The following RAPSN variants were observed in gnomAD, a reference collection of about 807,000 sequenced individuals.
RAPSN encodes 43 kDa receptor-associated protein of the synapse.
Under a neutral mutation model 45.7 loss-of-function variants are expected in RAPSN, and 33 were observed. The ratio of observed to expected loss-of-function variants is 0.72; its 90% CI spans 0.55 to 0.97. The LOEUF is 0.97. Ranked by LOEUF, RAPSN falls within the 50% of genes least tolerant of loss-of-function variation. The pLI is 0.00. For synonymous variants in RAPSN, 244 were observed against 233.6 expected (o/e 1.04, Z -0.40); for missense variants, 519 against 559.4 (o/e 0.93, Z 0.73).
At chr11:47,443,602 C>G (rs543696999) in intron 2 of RAPSN, among the ~76,000 whole-genome samples, 65 of 152,164 alleles carry the variant, frequency 4.3e-4, no homozygotes, top group African/African-American at 1.5e-3. Context: ...TTCCCATCCA[C>G]GTGCAAACAT....
At chr11:47,447,208 C>T (rs2076413361) in intron 2 of RAPSN, among the ~76,000 whole-genome samples, 1 of 152,160 alleles carries the variant, frequency 6.6e-6, no homozygotes, top group South Asian at 2.1e-4. Context: ...GGCCCTCCGA[C>T]CACTATATTT....
In RAPSN at chr11:47,448,165, G is replaced by A. The variant is rs45547231; in HGVS notation, c.193-15C>T. On this transcript the variant is annotated splice_polypyrimidine_tract_variant and intron_variant, in intron 1 of 7. Coordinates refer to ENST00000298854, the MANE Select transcript of RAPSN (RefSeq NM_005055.5). ...ACCACAGCGAACTGCACACAGCGAC[G>A]GTGGGCAGGTGGTGCTCAGCCTGGA... The A allele has an allele frequency of 0.13, 203,411 of 1,605,420 alleles. 13,838 individuals are homozygous for A. The highest frequency in any genetic ancestry group is 0.14 in the Non-Finnish European group (165,904 of 1,179,336).
At chr11:47,438,221 CT>C (rs1451262589) in intron 7 of RAPSN, among the ~76,000 whole-genome samples, 174 bp from the exon 8 acceptor site, 1 of 152,070 alleles carries the variant, frequency 6.6e-6, no homozygotes, top group African/African-American at 2.4e-5. Flanking sequence ...CGGCTTGCCC[CT>C]CTCCTCCTCT....
At chr11:47,438,616 C>G (rs1372679471) in intron 7 of RAPSN, 116 bp downstream of exon 7, 8 of 1,306,628 alleles carry the variant, frequency 6.1e-6, no homozygotes, top group Non-Finnish European at 2.1e-6. Flanking sequence ...AGGCACCACG[C>G]CTGGCCAAGG....
intron 2 of RAPSN, among the ~76,000 whole-genome samples, chr11:47,446,033 A>G (rs1236027117): frequency 6.6e-6 from 1 of 151,548 alleles, no homozygotes; most frequent in African/African-American, 2.4e-5. Flanking sequence ...GGCTCAAGCG[A>G]TCCTCCCGCC....
At position 47,441,812 on chromosome 11, in the gene RAPSN, G is replaced by T; in HGVS notation, c.789+11C>A. On this transcript the variant is annotated intron_variant, in intron 4 of 7. Coordinates refer to ENST00000298854, the MANE Select transcript of RAPSN (RefSeq NM_005055.5). ...CCCCTGCCCCCAGCCCCTGCATCCC[G>T]GTGACCTCACCTCCAGGTCCCCACG... is the stretch of plus-strand genomic sequence containing the variant. 2 of 950,058 alleles carry T rather than the reference G, an allele frequency of 2.1e-6. No homozygotes were observed. The highest frequency in any genetic ancestry group is 6.4e-5 in the East Asian group (1 of 15,552). The allele number at this position is 950,058 out of a possible 1,614,324, so 58.9% of individuals were successfully genotyped here.
rs546144211 is a variant in RAPSN, at chr11:47,444,542, A to AAAAAAC, written c.532-1734_532-1729dup. Among the ~76,000 whole-genome samples the AAAAAAC allele has an allele frequency of 8.0e-4, 121 of 151,918 alleles. 1 individual carries two copies. The highest frequency in any genetic ancestry group is 3.1e-3 in the Admixed American group (47 of 15,250). On this transcript the variant is annotated intron_variant, in intron 2 of 7. Coordinates refer to ENST00000298854, the MANE Select transcript of RAPSN (RefSeq NM_005055.5). ...TGACAGAGCAAGATCCTGTCTCAAA[A>AAAAAAC]AAAAACAAAAACAAAAACAAAAACA...
rs780420252 is a variant in RAPSN at position 47,448,097 on chromosome 11, G to C, written c.246C>G (p.Leu82=). 17 of 1,613,880 alleles carry C rather than the reference G, an allele frequency of 1.1e-5. No homozygotes were observed. The highest frequency in any genetic ancestry group is 1.4e-5 in the Non-Finnish European group (17 of 1,180,010). The change falls in exon 2 of 8, where the codon CTC becomes CTG. Residue 82 remains leucine (L), a synonymous_variant. Transcript: ENST00000298854. ...GTGCCAGGTTCAGGTAGCTCTCCAG[G>C]AGGAAGTCGGCATCCTCCAGCTCCC... ...TARELEDADF[L]LESYLNLARS...
At chr11:47,444,969 A>C (rs2076393614) in intron 2 of RAPSN, among the ~76,000 whole-genome samples, 1 of 152,070 alleles carries the variant, frequency 6.6e-6, no homozygotes, top group African/African-American at 2.4e-5. Context: ...TATGCCTGTA[A>C]TCCCAGCACT....
chr11:47,447,752 G>C, intron 2 of RAPSN, 60 bp downstream of exon 2: 1 of 1,516,244 alleles, frequency 6.6e-7, no homozygotes, highest in Non-Finnish European at 9.0e-7. Context: ...CAGGGTGTGT[G>C]CCTCATGAGA....
At chr11:47,438,996 C>A in intron 6 of RAPSN, 65 bp from the exon 7 acceptor site, 1 of 1,494,222 alleles carries the variant, frequency 6.7e-7, no homozygotes, top group Non-Finnish European at 9.0e-7. Flanking sequence ...AGGTAGGCTC[C>A]GGTCTCAGCC....
At chr11:47,447,052 GAACATTCCAGGA>G (rs2076412038) in intron 2 of RAPSN, among the ~76,000 whole-genome samples, 1 of 152,058 alleles carries the variant, frequency 6.6e-6, no homozygotes, top group Non-Finnish European at 1.5e-5. Context: ...GTCCTTCCTG[GAACATTCCAGGA>G]AACATTCCAG....
intron 3 of RAPSN, among the ~76,000 whole-genome samples, chr11:47,442,391 G>C (rs2076372271): frequency 6.6e-6 from 1 of 152,226 alleles, no homozygotes; most frequent in African/African-American, 2.4e-5. Flanking sequence ...AGGCACAAGT[G>C]GCTCATGCCT....
intron 6 of RAPSN, among the ~76,000 whole-genome samples, chr11:47,439,200 G>A (rs1295187677): frequency 6.6e-6 from 1 of 152,174 alleles, no homozygotes; most frequent in Non-Finnish European, 1.5e-5. Flanking sequence ...GCGGCAGGGC[G>A]CCGTGGCTCA....
chr11:47,448,166 G>T lies in RAPSN; in HGVS notation c.193-16C>A, dbSNP rs926898280. On this transcript the variant is annotated splice_polypyrimidine_tract_variant and intron_variant, in intron 1 of 7. Coordinates refer to ENST00000298854, the MANE Select transcript of RAPSN (RefSeq NM_005055.5). Reference sequence around the variant, plus strand: ...CCACAGCGAACTGCACACAGCGACGGTGGGCAGGTGGTGCTCAGCCTGGAC... The same window carrying T: ...CCACAGCGAACTGCACACAGCGACGTTGGGCAGGTGGTGCTCAGCCTGGAC... 1 of 1,605,518 alleles carries T rather than the reference G, an allele frequency of 6.2e-7. No homozygotes were observed. Among genetic ancestry groups the T allele is most frequent in the African/African-American group, 1.3e-5 (1 of 74,884 alleles).
intron 2 of RAPSN, among the ~76,000 whole-genome samples, chr11:47,447,214 T>C (rs2063304483): frequency 6.6e-6 from 1 of 152,152 alleles, no homozygotes; most frequent in African/African-American, 2.4e-5. Context: ...CCGACCACTA[T>C]ATTTGAAATT....
chr11:47,448,679 G>A (rs558373967), intron 1 of RAPSN, 94 bp downstream of exon 1: 1 of 1,511,738 alleles, frequency 6.6e-7, no homozygotes, highest in African/African-American at 1.4e-5. Context: ...GTGGGACACA[G>A]GGGAGCCCGA....
rs376829572 is a variant in RAPSN at position 47,438,896 on chromosome 11, G to A, written c.1002C>T (p.Ser334=). 1.3e-5 allele frequency: 21 copies of A among 1,563,908 alleles called. No individual in the cohort carries two copies. The highest frequency in any genetic ancestry group is 1.8e-5 in the Non-Finnish European group (21 of 1,153,712). Residue 334 remains serine, a synonymous_variant, in exon 7 of 8, where the codon AGC becomes AGT. Coordinates refer to ENST00000298854, the MANE Select transcript of RAPSN (RefSeq NM_005055.5). ...SQLKLHCLSE[S]IYRSKGLQRE... The stretch of plus-strand genomic sequence containing the variant: ...GCTGCAGCCCTTTGCTGCGGTAAAT[G>A]CTCTCGCTCAGACAGTGCAGCTTGA...
chr11:47,442,070 T>C, intron 3 of RAPSN, 149 bp from the exon 4 acceptor site: 1 of 844,210 alleles, frequency 1.2e-6, no homozygotes, highest in Non-Finnish European at 1.9e-6. Flanking sequence ...GCTCACACAC[T>C]GAACCACTGA....
Sources: gnomAD v4.1 joint callset for allele counts (sites outside exome capture counted in the v4.1 genomes callset) on GRCh38, gnomAD v4.1.1 for gene constraint, MANE v1.5 for transcripts, NCBI Gene and HGNC (gene_info 2026-07-23, HGNC 2026-07-21) for gene names.